PIEZO1: variants seen among roughly 807,000 people sequenced by gnomAD.
The protein encoded by PIEZO1 is piezo-type mechanosensitive ion channel component 1.
A neutral mutation model predicts 297.2 loss-of-function variants in PIEZO1; 296 were observed. That is an observed-to-expected ratio of 1.00 (90% confidence interval 0.91 to 1.10). The LOEUF (loss-of-function observed/expected upper bound fraction) is 1.10. Among genes scored for constraint, PIEZO1 ranks in the 50% least tolerant of loss-of-function variants. The pLI is 0.00. For missense variants in PIEZO1, 5,018 were observed against 3,455.5 expected, an observed-to-expected ratio of 1.45 and a Z score of -11.34; for synonymous variants, 2,427 against 1,507.5, an observed-to-expected ratio of 1.61 and a Z score of -14.13.
rs1238712900 is a variant in PIEZO1, at chr16:88,716,242, G to C, written c.7085C>G (p.Ala2362Gly). Residue 2362 changes from alanine (A) to glycine (G), a missense_variant, in exon 49 of 51, where the codon GCC (alanine) becomes GGC (glycine). Coordinates refer to ENST00000301015, the MANE Select transcript of PIEZO1 (RefSeq NM_001142864.4). ...AGGGTTGGCTTCGGGCCCGTTGGGG[G>C]CACGGATGTACTTGGGGAAGAGATT... Reference protein sequence around the residue: ...IPNLFPKYIRAPNGPEANPVK... With the variant: ...IPNLFPKYIRGPNGPEANPVK... The C allele has an allele frequency of 2.0e-6, 3 of 1,496,086 alleles. No homozygotes were observed. Among genetic ancestry groups the C allele is most frequent in the South Asian group, 1.3e-5 (1 of 75,062 alleles). 92.7% of individuals were successfully genotyped at this position (1,496,086 alleles called of 1,614,324 possible). A position where few individuals can be genotyped will look rare whatever the true frequency, so the allele number is the denominator to read the frequency against.
Position 88,715,995 on chromosome 16 carries a change from C to T in PIEZO1, c.7254G>A (p.Leu2418=). The T allele has an allele frequency of 1.9e-6, 3 of 1,550,190 alleles. No homozygotes were observed. Among genetic ancestry groups the T allele is most frequent in the Non-Finnish European group, 1.7e-6 (2 of 1,146,888 alleles). Residue 2418 remains leucine, a synonymous_variant, in exon 50 of 51, where the codon CTG becomes CTA. Transcript: ENST00000301015. ...LQECRTDCNL[L]PMVIFSDKVS... is the part of the protein sequence containing the mutation. ...CCTTGTCACTGAAAATGACCATGGG[C>T]AGCAGGTTGCAGTCGGTCCGGCACT...
At chr16:88,755,600 G>A (rs770711532) in intron 1 of PIEZO1, among the ~76,000 whole-genome samples, 3 of 152,252 alleles carry the variant, frequency 2.0e-5, no homozygotes, top group Non-Finnish European at 2.9e-5. Flanking sequence ...AAATAGGCGG[G>A]TACCAACACA....
chr16:88,716,580 C>A lies in PIEZO1; in HGVS notation c.6905G>T (p.Arg2302Leu), dbSNP rs200555745. The change falls in exon 47 of 51, where the codon CGC becomes CTC. Residue 2302 changes from arginine (R) to leucine (L), a missense_variant. By Grantham distance (102) the Arg-to-Leu change is moderately radical. Transcript: ENST00000301015. Reference protein sequence around the residue: ...LYNGTADITLRFTWNFQRDLA... With the variant: ...LYNGTADITLLFTWNFQRDLA... ...GAACCTCTGGAAGTTCCAGGTGAAG[C>A]GCAGGGTGATGTCGGCCGTGCCGTT... is the stretch of plus-strand genomic sequence containing the variant. 6.5e-7 allele frequency: 1 copy of A among 1,545,744 alleles called. No homozygotes were observed. Among genetic ancestry groups the A allele is most frequent in the Non-Finnish European group, 8.7e-7 (1 of 1,144,098 alleles).
At chr16:88,733,157 G>T in intron 19 of PIEZO1, 121 bp downstream of exon 19, 1 of 960,976 alleles carries the variant, frequency 1.0e-6, no homozygotes, top group Non-Finnish European at 1.5e-6. Context: ...CGCCCCCAGG[G>T]GAGAGTCCTC....
chr16:88,777,431 G>A (rs1410505173), intron 1 of PIEZO1, among the ~76,000 whole-genome samples: 6 of 151,944 alleles, frequency 3.9e-5, no homozygotes, highest in African/African-American at 1.2e-4. Context: ...TCACTGGCCC[G>A]CAGACACATT....
intron 2 of PIEZO1, chr16:88,743,971 T>C (rs552324429): frequency 1.5e-5 from 4 of 273,410 alleles, no homozygotes; most frequent in South Asian, 1.3e-4. Context: ...CACCAGGGGG[T>C]GCTGTGCAGG....
At chr16:88,748,687 C>A (rs967415578) in intron 2 of PIEZO1, among the ~76,000 whole-genome samples, 1 of 152,166 alleles carries the variant, frequency 6.6e-6, no homozygotes, top group Non-Finnish European at 1.5e-5. Flanking sequence ...AGAGACTCCA[C>A]CCCCATGACC....
At chr16:88,767,168 TC>T (rs1010758101) in intron 1 of PIEZO1, among the ~76,000 whole-genome samples, 2 of 151,984 alleles carry the variant, frequency 1.3e-5, no homozygotes, top group African/African-American at 4.8e-5. Context: ...TCCCCATTCC[TC>T]CCCCTTCCCA....
Position 88,715,934 on chromosome 16 carries a change from C to G in PIEZO1, c.7315G>C (p.Gly2439Arg). Reference protein sequence around the residue: ...PPSLGFLAGYGIMGLYVSIVL... With the variant: ...PPSLGFLAGYRIMGLYVSIVL... ...GTGCCCCCCCAGCCACTCACTCACC[C>G]GTAGCCAGCCAGGAAGCCGAGGCTC... The change falls in exon 50 of 51, where the codon GGC becomes CGC. Residue 2439 changes from glycine to arginine, a missense_variant and splice_region_variant. Physicochemically the swap from Gly to Arg is moderately radical, Grantham distance 125. Coordinates refer to ENST00000301015, the MANE Select transcript of PIEZO1 (RefSeq NM_001142864.4). 1.3e-6 allele frequency: 2 copies of G among 1,549,206 alleles called. No individual in the cohort carries two copies. The highest frequency in any genetic ancestry group is 4.9e-5 in the East Asian group (2 of 40,886).
chr16:88,732,764 C>G (rs1904951152), intron 19 of PIEZO1, 32 bp from the exon 20 acceptor site: 3 of 1,517,148 alleles, frequency 2.0e-6, no homozygotes, highest in African/African-American at 2.8e-5. Context: ...GTGCCCCCTC[C>G]CAGGCCACAG....
chr16:88,728,312 G>C (rs1236796068), intron 22 of PIEZO1, among the ~76,000 whole-genome samples: 1 of 152,280 alleles, frequency 6.6e-6, no homozygotes, highest in Non-Finnish European at 1.5e-5. Flanking sequence ...TAAGGACTGA[G>C]GGCATGGATG....
In PIEZO1 at chr16:88,773,216, G is replaced by A. The variant is rs149587482; in HGVS notation, c.64+11685C>T. Among the ~76,000 whole-genome samples, 782 of 152,348 alleles carry A rather than the reference G, an allele frequency of 5.1e-3. 9 individuals carry two copies. Among genetic ancestry groups the A allele is most frequent in the Non-Finnish European group, 7.6e-3 (517 of 68,024 alleles). On this transcript the variant is annotated intron_variant, in intron 1 of 50. Transcript: ENST00000301015. The stretch of plus-strand genomic sequence containing the variant: ...CTCTGGCCCCCCAGTAACTCCCGGC[G>A]TCACGCCCAGGCCCTCGCTCAGGGG...
At chr16:88,749,520 T>C in intron 1 of PIEZO1, 41 bp from the exon 2 acceptor site, 2 of 1,430,550 alleles carry the variant, frequency 1.4e-6, no homozygotes, top group East Asian at 2.6e-5. Context: ...CAACAGAGGA[T>C]GGCCAGCCCC....
At position 88,715,610 on chromosome 16, in the gene PIEZO1, CCTT is replaced by C. The variant is rs767650265; in HGVS notation, c.7558_7560del (p.Lys2520del). ...TCGGGCGCCAGCAGCAGCTCCTACT[CCTT>C]CTCACGAGTCCACTTGATCATGGTC... is the stretch of plus-strand genomic sequence containing the variant. On this transcript the variant is annotated inframe_deletion, in exon 51 of 51. Transcript: ENST00000301015. 2.1e-5 allele frequency: 32 copies of C among 1,549,686 alleles called. No individual in the cohort carries two copies. The highest frequency in any genetic ancestry group is 2.4e-5 in the Non-Finnish European group (28 of 1,146,856).
At chr16:88,742,918 G>T in intron 2 of PIEZO1, 1 of 373,344 alleles carries the variant, frequency 2.7e-6, no homozygotes, top group South Asian at 1.9e-5. Flanking sequence ...GCAGGCAGCT[G>T]CCTCCCTGGG....
At position 88,716,030 on chromosome 16, in the gene PIEZO1, C is replaced by T. The variant is rs200291894; in HGVS notation, c.7219G>A (p.Glu2407Lys). Residue 2407 changes from glutamate (E) to lysine (K), a missense_variant, in exon 50 of 51, where the codon GAG becomes AAG. By Grantham distance (56) the Glu-to-Lys change is moderately conservative. Coordinates refer to ENST00000301015, the MANE Select transcript of PIEZO1 (RefSeq NM_001142864.4). ...CAGTCGGTCCGGCACTCCTGCAGCTCGATGACCCACCATTCGAGGAAGCCG... is the reference window on the plus strand; with the variant it reads ...CAGTCGGTCCGGCACTCCTGCAGCTTGATGACCCACCATTCGAGGAAGCCG... ...ATGFLEWWVI[E>K]LQECRTDCNL... The T allele has an allele frequency of 3.2e-5, 50 of 1,550,220 alleles. No homozygotes were observed. The Admixed American group carries it at 6.1e-4, about 19-fold the overall frequency.
rs1035068901 is a variant in PIEZO1, at chr16:88,722,654, C to T, written c.4704G>A (p.Leu1568=). The T allele has an allele frequency of 2.6e-6, 4 of 1,538,436 alleles. No homozygotes were observed. Among genetic ancestry groups the T allele is most frequent in the Non-Finnish European group, 3.5e-6 (4 of 1,146,460 alleles). ...GCGTGGCCTCGGCCTGGCTTGTGTA[C>T]AGCTGATCCAGCACGCCCCTGTGCA... ...GEVHRGVLDQ[L]YTSQAEATLP... Residue 1568 remains leucine, a synonymous_variant, in exon 35 of 51, where the codon CTG becomes CTA. Coordinates refer to ENST00000301015, the MANE Select transcript of PIEZO1 (RefSeq NM_001142864.4).
intron 1 of PIEZO1, among the ~76,000 whole-genome samples, chr16:88,754,349 A>G (rs1906547751): frequency 6.6e-6 from 1 of 152,166 alleles, no homozygotes; most frequent in South Asian, 2.1e-4. Flanking sequence ...CACACCACTC[A>G]ACCGGAACAT....
chr16:88,763,040 CA>C (rs1332189536), intron 1 of PIEZO1, among the ~76,000 whole-genome samples: 9 of 152,202 alleles, frequency 5.9e-5, no homozygotes, highest in African/African-American at 1.2e-4. Context: ...AGGGTGCAAC[CA>C]AAACAGTCTG....
Sources: gnomAD v4.1 joint callset for allele counts (sites outside exome capture counted in the v4.1 genomes callset) on GRCh38, gnomAD v4.1.1 for gene constraint, MANE v1.5 for transcripts, NCBI Gene and HGNC (gene_info 2026-07-23, HGNC 2026-07-21) for gene names.